CYP2J2: variants seen among roughly 807,000 people sequenced by gnomAD.
CYP2J2 encodes cytochrome P450 family 2 subfamily J member 2.
A neutral mutation model predicts 48.8 loss-of-function variants in CYP2J2; 41 were observed. The observed-to-expected ratio is 0.84, with a 90% CI of 0.66 to 1.09. The LOEUF is 1.09. CYP2J2 is among the 50% of genes least tolerant of loss of function. CYP2J2 has a pLI of 0.00. For synonymous variants in CYP2J2, 221 were observed against 227.1 expected (o/e 0.97, Z 0.24); for missense variants, 644 against 617.3 (o/e 1.04, Z -0.46).
chr1:59,899,584 T>A (rs11572312), intron 8 of CYP2J2, among the ~76,000 whole-genome samples: 116 of 152,338 alleles, frequency 7.6e-4, no homozygotes, highest in African/African-American at 2.7e-3. Flanking sequence ...ACAGTGTGGG[T>A]CTGTGTAGTA....
At chr1:59,918,772 G>T (rs7418892) in intron 1 of CYP2J2, among the ~76,000 whole-genome samples, 2 of 151,256 alleles carry the variant, frequency 1.3e-5, no homozygotes, top group East Asian at 3.9e-4. Flanking sequence ...AATAGAAAAA[G>T]AAAAGAACTG....
chr1:59,898,384 C>T (rs905838061), intron 8 of CYP2J2, among the ~76,000 whole-genome samples: 1 of 152,168 alleles, frequency 6.6e-6, no homozygotes, highest in Non-Finnish European at 1.5e-5. Context: ...GTGAGAAGGG[C>T]CCCACTGTCC....
chr1:59,932,459 T>G, the CYP2J2 span, among the ~76,000 whole-genome samples: 1 of 152,168 alleles, frequency 6.6e-6, no homozygotes, highest in African/African-American at 2.4e-5. Context: ...CATTTCAATA[T>G]TTGTCAACAT....
chr1:59,956,968 G>T, the CYP2J2 span, among the ~76,000 whole-genome samples: 758 of 152,180 alleles, frequency 5.0e-3, 10 homozygotes, highest in African/African-American at 0.017. Flanking sequence ...CATGTGGAGG[G>T]ATCACATGGA....
At chr1:59,903,712 G>C (rs563949530) in intron 7 of CYP2J2, among the ~76,000 whole-genome samples, 1 of 152,276 alleles carries the variant, frequency 6.6e-6, no homozygotes, top group Non-Finnish European at 1.5e-5. Flanking sequence ...GTGAGTACAG[G>C]GAATTTAACT....
the CYP2J2 span, among the ~76,000 whole-genome samples, chr1:59,960,154 A>G: frequency 1.3e-5 from 2 of 152,208 alleles, no homozygotes; most frequent in Admixed American, 1.3e-4. Flanking sequence ...TTATTTGAAA[A>G]TTGTAGGGAA....
chr1:59,893,978 C>G (rs1043087065), intron 8 of CYP2J2, 149 bp from the exon 9 acceptor site: 1 of 671,874 alleles, frequency 1.5e-6, no homozygotes, highest in Non-Finnish European at 2.5e-6. Flanking sequence ...TTATTTAAGT[C>G]TGATAACCAC....
At chr1:59,929,550 G>T (rs572396935), upstream of CYP2J2, among the ~76,000 whole-genome samples, 44 of 152,250 alleles carry the variant, frequency 2.9e-4, no homozygotes, top group South Asian at 6.0e-3. Context: ...TGTCTCAACA[G>T]ATAGAGGATA....
the CYP2J2 span, among the ~76,000 whole-genome samples, chr1:59,966,343 C>T: frequency 6.6e-6 from 1 of 152,198 alleles, no homozygotes; most frequent in African/African-American, 2.4e-5. Context: ...TAATGAAAGA[C>T]TTGGTATGTC....
intron 5 of CYP2J2, 108 bp downstream of exon 5, chr1:59,909,676 T>A (rs191999583): frequency 1.4e-6 from 1 of 729,884 alleles, no homozygotes; most frequent in Admixed American, 3.3e-5. Flanking sequence ...CAATCTGTGC[T>A]ATTTTAGGCA....
intron 6 of CYP2J2, among the ~76,000 whole-genome samples, chr1:59,905,764 G>C (rs1023390242): frequency 2.0e-5 from 3 of 152,176 alleles, no homozygotes; most frequent in Non-Finnish European, 2.9e-5. Context: ...TTTGAGATTT[G>C]TGTGACCAGA....
chr1:59,900,927 G>T, intron 8 of CYP2J2, 38 bp downstream of exon 8: 4 of 1,597,968 alleles, frequency 2.5e-6, no homozygotes, highest in Non-Finnish European at 3.4e-6. Flanking sequence ...CTGGGAGAGG[G>T]GCCCTGGACT....
At chr1:59,900,041 GA>G (rs1644303729) in intron 8 of CYP2J2, among the ~76,000 whole-genome samples, 1 of 151,916 alleles carries the variant, frequency 6.6e-6, no homozygotes, top group South Asian at 2.1e-4. Context: ...AAAAACAAGA[GA>G]AAAAAAGAGA....
chr1:59,903,583 G>A (rs780058029), intron 7 of CYP2J2, among the ~76,000 whole-genome samples: 1 of 152,112 alleles, frequency 6.6e-6, no homozygotes, highest in Non-Finnish European at 1.5e-5. Flanking sequence ...CAGTCACCTG[G>A]GTAATGGTTC....
chr1:59,917,491 G>A (rs960566526), intron 1 of CYP2J2, among the ~76,000 whole-genome samples: 2 of 152,208 alleles, frequency 1.3e-5, no homozygotes, highest in Non-Finnish European at 2.9e-5. Context: ...CTATTGAGTG[G>A]TGCAGGGAAT....
At chr1:59,945,407 C>CATCT in the CYP2J2 span, among the ~76,000 whole-genome samples, 6,867 of 148,888 alleles carry the variant, frequency 0.046, 175 homozygotes, top group Middle Eastern at 0.076. Flanking sequence ...CTCTTTCTGT[C>CATCT]ATCTATCTAT....
chr1:59,896,114 A>AT (rs1303439752), intron 8 of CYP2J2, among the ~76,000 whole-genome samples: 2 of 151,942 alleles, frequency 1.3e-5, no homozygotes, highest in South Asian at 2.1e-4. Context: ...GGAATCAGCC[A>AT]TTTTTTTCCA....
intron 7 of CYP2J2, among the ~76,000 whole-genome samples, chr1:59,901,388 T>C (rs193250092): frequency 6.6e-6 from 1 of 152,282 alleles, no homozygotes; most frequent in Non-Finnish European, 1.5e-5. Context: ...TCAGTTTCAG[T>C]AGGGCTTGGA....
At chr1:59,917,742 T>C (rs1644479608) in intron 1 of CYP2J2, among the ~76,000 whole-genome samples, 1 of 152,208 alleles carries the variant, frequency 6.6e-6, no homozygotes, top group Admixed American at 6.5e-5. Flanking sequence ...TCCTTCCTAA[T>C]GTATCTGTTC....
Sources: gnomAD v4.1 joint callset for allele counts (sites outside exome capture counted in the v4.1 genomes callset) on GRCh38, gnomAD v4.1.1 for gene constraint, MANE v1.5 for transcripts, NCBI Gene and HGNC (gene_info 2026-07-23, HGNC 2026-07-21) for gene names.